Variants in NXPH2 observed in about 807,000 individuals in gnomAD.
NXPH2 encodes neurexophilin 2.
A neutral mutation model predicts 19.8 loss-of-function variants in NXPH2; 5 were observed. That is an observed-to-expected ratio of 0.25 (90% CI 0.13 to 0.53). The LOEUF (loss-of-function observed/expected upper bound fraction) is 0.53, where lower values mean the gene tolerates loss of function less well. NXPH2 is among the 20% of genes least tolerant of loss of function. The pLI, the probability that NXPH2 is intolerant of heterozygous loss-of-function variation, is 0.96. For synonymous variants in NXPH2, 154 were observed against 127.4 expected, an observed-to-expected ratio of 1.21 and a Z score of -1.41; for missense variants, 289 against 322.8, an observed-to-expected ratio of 0.90 and a Z score of 0.80.
intron 1 of NXPH2, among the ~76,000 whole-genome samples, chr2:138,725,264 C>A (rs1430576512): frequency 6.6e-6 from 1 of 152,122 alleles, no homozygotes; most frequent in Admixed American, 6.5e-5. Flanking sequence ...TGATGTTTAA[C>A]TTTTTCAGCT....
chr2:138,731,959 C>A (rs181342290), intron 1 of NXPH2, among the ~76,000 whole-genome samples: 165 of 152,250 alleles, frequency 1.1e-3, no homozygotes, highest in African/African-American at 3.8e-3. Flanking sequence ...CATATGCATG[C>A]ACTTCTGCCA....
At chr2:138,778,478 C>T (rs1219091808) in intron 1 of NXPH2, among the ~76,000 whole-genome samples, 1 of 152,124 alleles carries the variant, frequency 6.6e-6, no homozygotes, top group African/African-American at 2.4e-5. Flanking sequence ...TCTAACATTT[C>T]CAATATAGTA....
At chr2:138,701,842 G>A (rs949948817) in intron 1 of NXPH2, among the ~76,000 whole-genome samples, 8 of 152,132 alleles carry the variant, frequency 5.3e-5, no homozygotes, top group African/African-American at 9.7e-5. Context: ...GCTTGCATAC[G>A]AATCTCCGCT....
At chr2:138,777,088 TTC>T (rs952649863) in intron 1 of NXPH2, among the ~76,000 whole-genome samples, 1 of 152,118 alleles carries the variant, frequency 6.6e-6, no homozygotes, top group African/African-American at 2.4e-5. Context: ...TTAAAATTTA[TTC>T]TTTTTTTAAT....
At chr2:138,683,312 A>C (rs1558912729) in intron 1 of NXPH2, among the ~76,000 whole-genome samples, 1 of 152,186 alleles carries the variant, frequency 6.6e-6, no homozygotes, top group Admixed American at 6.5e-5. Flanking sequence ...TATACTTCTG[A>C]AATATAATGG....
At chr2:138,770,144 T>A (rs1055621638) in intron 1 of NXPH2, among the ~76,000 whole-genome samples, 1 of 152,070 alleles carries the variant, frequency 6.6e-6, no homozygotes, top group Non-Finnish European at 1.5e-5. Context: ...AAGGCCCAAA[T>A]GGATTAGAAT....
At position 138,671,410 on chromosome 2, in the gene NXPH2, C is replaced by T; in HGVS notation, c.307G>A (p.Val103Ile). The T allele has an allele frequency of 6.2e-7, 1 of 1,614,018 alleles. No individual in the cohort carries two copies. The highest frequency in any genetic ancestry group is 8.5e-7 in the Non-Finnish European group (1 of 1,179,898). ...PLARTKRRPI[V>I]KTGKFKKMFG... is the part of the protein sequence containing the mutation. ...ATTTTCTTAAATTTTCCTGTTTTTACTATTGGCCTCCGTTTAGTTCTTGCC... is the reference window on the plus strand; with the variant it reads ...ATTTTCTTAAATTTTCCTGTTTTTATTATTGGCCTCCGTTTAGTTCTTGCC... The change falls in exon 2 of 2, where the codon GTA (valine) becomes ATA (isoleucine). Residue 103 changes from valine (V) to isoleucine (I), a missense_variant. Physicochemically the swap from Val to Ile is conservative, Grantham distance 29. Coordinates refer to ENST00000272641, the MANE Select transcript of NXPH2 (RefSeq NM_007226.3).
intron 1 of NXPH2, among the ~76,000 whole-genome samples, chr2:138,681,616 G>T (rs1289287604): frequency 6.6e-6 from 1 of 152,176 alleles, no homozygotes; most frequent in Non-Finnish European, 1.5e-5. Flanking sequence ...AGCTGAATGA[G>T]CTGAATACTC....
Position 138,780,327 on chromosome 2 carries a change from GC to G in NXPH2, c.-87del. 2 of 1,009,108 alleles carry G rather than the reference GC, an allele frequency of 2.0e-6. No homozygotes were observed. The highest frequency in any genetic ancestry group is 1.7e-5 in the African/African-American group (1 of 57,246). The allele number at this position is 1,009,108 out of a possible 1,614,324, so 62.5% of individuals were successfully genotyped here. On this transcript the variant is annotated 5_prime_UTR_variant, in exon 1 of 2. Coordinates refer to ENST00000272641, the MANE Select transcript of NXPH2 (RefSeq NM_007226.3). ...CACTTCGCGGGGCAGGACTGAGGAC[GC>G]CAGGGACACAGCGCGGCGCTTCCCT...
intron 1 of NXPH2, among the ~76,000 whole-genome samples, chr2:138,735,991 G>A (rs966726146): frequency 1.3e-5 from 2 of 152,226 alleles, no homozygotes; most frequent in Non-Finnish European, 2.9e-5. Flanking sequence ...CATGCAAGAG[G>A]TGGGTTCCCA....
At chr2:138,726,660 A>G (rs1247829502) in intron 1 of NXPH2, among the ~76,000 whole-genome samples, 1 of 152,002 alleles carries the variant, frequency 6.6e-6, no homozygotes, top group African/African-American at 2.4e-5. Flanking sequence ...TTTTGAGTTT[A>G]CAGCAAAATT....
chr2:138,720,498 G>A (rs1681262674), intron 1 of NXPH2, among the ~76,000 whole-genome samples: 1 of 152,240 alleles, frequency 6.6e-6, no homozygotes, highest in Non-Finnish European at 1.5e-5. Flanking sequence ...CCCCAGGACT[G>A]TTGGTGTGAA....
At chr2:138,702,501 C>T (rs900104275) in intron 1 of NXPH2, among the ~76,000 whole-genome samples, 15 of 152,162 alleles carry the variant, frequency 9.9e-5, no homozygotes, top group African/African-American at 3.4e-4. Context: ...CCTCTTCTCA[C>T]CTCATGGCTT....
At chr2:138,767,455 T>C (rs1416885740) in intron 1 of NXPH2, among the ~76,000 whole-genome samples, 1 of 151,836 alleles carries the variant, frequency 6.6e-6, no homozygotes, top group South Asian at 2.1e-4. Context: ...CCAAATACCA[T>C]TTTTTTTATT....
At chr2:138,707,948 C>T (rs1419735088) in intron 1 of NXPH2, among the ~76,000 whole-genome samples, 1 of 152,126 alleles carries the variant, frequency 6.6e-6, no homozygotes, top group African/African-American at 2.4e-5. Context: ...TGTCAGAAGA[C>T]TCCCTGGACA....
intron 1 of NXPH2, among the ~76,000 whole-genome samples, chr2:138,753,184 A>T (rs1681850823): frequency 6.6e-6 from 1 of 152,178 alleles, no homozygotes; most frequent in African/African-American, 2.4e-5. Context: ...AATAATTTAT[A>T]TCAGTAAGGA....
At chr2:138,693,532 T>C (rs986015098) in intron 1 of NXPH2, among the ~76,000 whole-genome samples, 2 of 152,146 alleles carry the variant, frequency 1.3e-5, no homozygotes, top group African/African-American at 4.8e-5. Context: ...CATGAATTAC[T>C]GGTATAAGGT....
intron 1 of NXPH2, among the ~76,000 whole-genome samples, chr2:138,682,130 G>C (rs1247816026): frequency 6.6e-6 from 1 of 152,032 alleles, no homozygotes; most frequent in Non-Finnish European, 1.5e-5. Flanking sequence ...TTGCTCAGCA[G>C]AAAGAACAAC....
chr2:138,686,318 G>C (rs1317731660), intron 1 of NXPH2, among the ~76,000 whole-genome samples: 2 of 152,070 alleles, frequency 1.3e-5, no homozygotes, highest in Non-Finnish European at 2.9e-5. Context: ...CCTGGAAAAG[G>C]TTCAACAGGA....
Sources: gnomAD v4.1 joint callset for allele counts (sites outside exome capture counted in the v4.1 genomes callset) on GRCh38, gnomAD v4.1.1 for gene constraint, MANE v1.5 for transcripts, NCBI Gene and HGNC (gene_info 2026-07-23, HGNC 2026-07-21) for gene names.